NR3C2: variants seen among roughly 807,000 people sequenced by gnomAD.
The protein encoded by NR3C2 is mineralocorticoid receptor.
NR3C2 carries 15 observed loss-of-function variants against 86.4 expected under a neutral mutation model. That is an observed-to-expected ratio of 0.17 (90% CI 0.12 to 0.27). The LOEUF (loss-of-function observed/expected upper bound fraction) is 0.27. NR3C2 is among the 10% of genes least tolerant of loss of function. The pLI is 1.00. For synonymous variants in NR3C2, 458 were observed against 450.5 expected (o/e 1.02, Z -0.21); for missense variants, 960 against 1,195.6 (o/e 0.80, Z 2.91).
chr4:148,293,249 G>A (rs1005635504), intron 2 of NR3C2, among the ~76,000 whole-genome samples: 3 of 152,092 alleles, frequency 2.0e-5, no homozygotes, highest in African/African-American at 7.2e-5. Flanking sequence ...AAGAAGCTAA[G>A]TCATTTTATA....
At chr4:148,300,818 C>G (rs918112835) in intron 2 of NR3C2, among the ~76,000 whole-genome samples, 2 of 152,120 alleles carry the variant, frequency 1.3e-5, no homozygotes, top group Non-Finnish European at 2.9e-5. Flanking sequence ...GTAATCCACC[C>G]ACCTTGGCCT....
At position 148,130,815 on chromosome 4, in the gene NR3C2, TTTTG is replaced by T. The variant is rs1319223882; in HGVS notation, c.2511-10531_2511-10528del. Among the ~76,000 whole-genome samples the T allele has an allele frequency of 8.0e-3, 480 of 60,044 alleles. 6 individuals are homozygous for T. The highest frequency in any genetic ancestry group is 0.01 in the Non-Finnish European group (260 of 25,136). 39.4% of individuals were successfully genotyped at this position (60,044 alleles called of 152,430 possible). On this transcript the variant is annotated intron_variant, in intron 6 of 8. Transcript: ENST00000358102. ...TTTTTTTTTGTTTTGTTTTGTTTTG[TTTTG>T]TTTTTTTTTTTTTTTTTTTTTTGAG... is the stretch of plus-strand genomic sequence containing the variant.
intron 8 of NR3C2, among the ~76,000 whole-genome samples, chr4:148,095,322 A>G (rs929418266): frequency 1.3e-5 from 2 of 152,202 alleles, no homozygotes; most frequent in African/African-American, 4.8e-5. Context: ...GTTACGGCTC[A>G]GCAAAATGTG....
intron 2 of NR3C2, among the ~76,000 whole-genome samples, chr4:148,265,956 G>A (rs1277481487): frequency 6.6e-6 from 1 of 151,732 alleles, no homozygotes; most frequent in East Asian, 1.9e-4. Context: ...AGACAATACA[G>A]AAGTAAACAA....
chr4:148,256,799 T>C (rs578019917), intron 3 of NR3C2, among the ~76,000 whole-genome samples: 28 of 152,352 alleles, frequency 1.8e-4, no homozygotes, highest in Non-Finnish European at 3.1e-4. Flanking sequence ...ACTGACATTA[T>C]TGGCAAATAA....
chr4:148,230,770 G>C lies in NR3C2; in HGVS notation c.1897+29208C>G, dbSNP rs554288836. On this transcript the variant is annotated intron_variant, in intron 3 of 8. Coordinates refer to ENST00000358102, the MANE Select transcript of NR3C2 (RefSeq NM_000901.5). ...GCAGTGGGATGAAATAAGAGTAAGC[G>C]GAAGTTCAAGTTTCACACACAAAAC... Among the ~76,000 whole-genome samples, 76 of 152,132 alleles carry C rather than the reference G, an allele frequency of 5.0e-4. 1 individual carries two copies. Among genetic ancestry groups the C allele is most frequent in the Non-Finnish European group, 9.6e-4 (65 of 68,028 alleles).
intron 2 of NR3C2, among the ~76,000 whole-genome samples, chr4:148,428,744 C>A (rs974024308): frequency 1.3e-5 from 2 of 152,082 alleles, no homozygotes; most frequent in Admixed American, 1.3e-4. Context: ...AACATCTTTA[C>A]TCCAGAAAGC....
rs76313968 is a variant in NR3C2, at chr4:148,350,484, T to C, written c.1757+84620A>G. On this transcript the variant is annotated intron_variant, in intron 2 of 8. Transcript: ENST00000358102. ...GAAAAAAATCTCAACATTTTAGAAA[T>C]ATCTCTAAAAGACGTTTTAAATCAG... is the stretch of plus-strand genomic sequence containing the variant. 2.4e-3 allele frequency among the ~76,000 whole-genome samples: 361 copies of C among 152,286 alleles called. 12 individuals carry two copies. In the East Asian group the frequency reaches 0.058, roughly 24 times the overall value.
chr4:148,440,911 T>A (rs1217261792), intron 1 of NR3C2, among the ~76,000 whole-genome samples: 1 of 152,226 alleles, frequency 6.6e-6, no homozygotes, highest in Non-Finnish European at 1.5e-5. Flanking sequence ...AGGCATCTTT[T>A]TTATATTTAT....
intron 2 of NR3C2, among the ~76,000 whole-genome samples, chr4:148,360,770 G>A (rs1222726744): frequency 6.6e-6 from 1 of 152,080 alleles, no homozygotes; most frequent in Non-Finnish European, 1.5e-5. Context: ...TATATGCCAG[G>A]TATTTTAATA....
intron 3 of NR3C2, among the ~76,000 whole-genome samples, chr4:148,251,002 G>A: frequency 6.6e-6 from 1 of 151,906 alleles, no homozygotes; most frequent in Admixed American, 6.6e-5. Flanking sequence ...CCAGGCCGAA[G>A]TGCAGTGGTG....
chr4:148,386,127 C>T (rs1302630023), intron 2 of NR3C2, among the ~76,000 whole-genome samples: 2 of 152,170 alleles, frequency 1.3e-5, no homozygotes, highest in African/African-American at 2.4e-5. Flanking sequence ...CTCCTCCTCC[C>T]AGCCCCCAGG....
chr4:148,249,720 G>A (rs545273094), intron 3 of NR3C2, among the ~76,000 whole-genome samples: 2 of 152,278 alleles, frequency 1.3e-5, no homozygotes, highest in African/African-American at 4.8e-5. Flanking sequence ...TTTGCTAGGT[G>A]AGGTATAAGA....
intron 2 of NR3C2, among the ~76,000 whole-genome samples, chr4:148,293,963 T>C (rs955172597): frequency 3.9e-5 from 6 of 152,194 alleles, no homozygotes; most frequent in Non-Finnish European, 8.8e-5. Flanking sequence ...CCATCTTCCA[T>C]GCAAAATCAT....
At chr4:148,209,048 A>G (rs935785665) in intron 3 of NR3C2, among the ~76,000 whole-genome samples, 2 of 152,056 alleles carry the variant, frequency 1.3e-5, no homozygotes, top group African/African-American at 4.8e-5. Context: ...GTTCAAGACC[A>G]GCCTGGCCAA....
intron 4 of NR3C2, among the ~76,000 whole-genome samples, chr4:148,191,685 TTC>T (rs1289701578): frequency 1.3e-5 from 2 of 152,256 alleles, no homozygotes; most frequent in Non-Finnish European, 2.9e-5. Flanking sequence ...TATTTTCTTA[TTC>T]TTTTTCCTTT....
chr4:148,086,449 C>T (rs1730814447), intron 8 of NR3C2, among the ~76,000 whole-genome samples: 1 of 152,170 alleles, frequency 6.6e-6, no homozygotes, highest in South Asian at 2.1e-4. Flanking sequence ...TAAAAACTCC[C>T]AATAGCTGGG....
At chr4:148,156,013 A>G (rs1734367844) in intron 4 of NR3C2, among the ~76,000 whole-genome samples, 1 of 152,202 alleles carries the variant, frequency 6.6e-6, no homozygotes, top group Non-Finnish European at 1.5e-5. Flanking sequence ...CAATGGGGAA[A>G]GGATTCCCTA....
At chr4:148,223,529 T>G (rs561017188) in intron 3 of NR3C2, among the ~76,000 whole-genome samples, 6 of 152,212 alleles carry the variant, frequency 3.9e-5, no homozygotes, top group Admixed American at 3.9e-4. Flanking sequence ...AAAGTCAGGG[T>G]GTTACTGAGC....
Sources: allele counts gnomAD v4.1 joint callset (sites outside exome capture counted in the v4.1 genomes callset), GRCh38; gene constraint gnomAD v4.1.1; transcripts MANE v1.5; gene names NCBI Gene and HGNC (gene_info 2026-07-23, HGNC 2026-07-21).